The following FOXK1 variants were observed in gnomAD, a reference collection of about 807,000 sequenced individuals.
FOXK1 encodes the protein forkhead box K1, also known as forkhead box protein K1.
Under a neutral mutation model 51.9 loss-of-function variants are expected in FOXK1, and 19 were observed. The observed-to-expected ratio is 0.37, with a 90% confidence interval of 0.26 to 0.54. FOXK1 has a LOEUF of 0.54. Among genes scored for constraint, FOXK1 ranks in the 20% least tolerant of loss-of-function variants. The pLI, the probability that FOXK1 is intolerant of heterozygous loss-of-function variation, is 0.87. For missense variants in FOXK1, 870 were observed against 1,032.7 expected (o/e 0.84, Z 2.16); for synonymous variants, 537 against 482.6 (o/e 1.11, Z -1.48).
rs538871659 is a variant in FOXK1, at chr7:4,739,712, G to A, written c.561-1126G>A. 2.6e-5 allele frequency among the ~76,000 whole-genome samples: 4 copies of A among 152,322 alleles called. No individual in the cohort carries two copies. The South Asian group carries it at 8.3e-4, about 32-fold the overall frequency. Reference sequence around the variant, plus strand: ...ATTAAGCTCTGGGTGGATAATGCACGCTCTCTGCGACTCCCGCCTGCCGGA... The same window carrying A: ...ATTAAGCTCTGGGTGGATAATGCACACTCTCTGCGACTCCCGCCTGCCGGA... On this transcript the variant is annotated intron_variant, in intron 1 of 8. Coordinates refer to ENST00000328914, the MANE Select transcript of FOXK1 (RefSeq NM_001037165.2).
chr7:4,684,670 C>T lies in FOXK1; in HGVS notation c.560+1802C>T, dbSNP rs574490774. Among the ~76,000 whole-genome samples, 169 of 152,266 alleles carry T rather than the reference C, an allele frequency of 1.1e-3. 1 individual carries two copies. Among genetic ancestry groups the T allele is most frequent in the African/African-American group, 4.0e-3 (165 of 41,552 alleles). ...AAATGACAGGTAGGCTCCCCAGGCC[C>T]CCCTTAGAGGCCTGCTTTACAGACG... On this transcript the variant is annotated intron_variant, in intron 1 of 8. Transcript: ENST00000328914.
At chr7:4,696,521 G>A (rs1779954176) in intron 1 of FOXK1, among the ~76,000 whole-genome samples, 1 of 152,160 alleles carries the variant, frequency 6.6e-6, no homozygotes, top group Admixed American at 6.6e-5. Context: ...CTTTGAGCTC[G>A]TGGGACTTGC....
At chr7:4,720,807 C>A (rs1378170704) in intron 1 of FOXK1, among the ~76,000 whole-genome samples, 1 of 151,796 alleles carries the variant, frequency 6.6e-6, no homozygotes, top group Admixed American at 6.6e-5. Context: ...CAACCTCTAC[C>A]TCCTGGGTTC....
In FOXK1 at chr7:4,748,007, G is replaced by C. The variant is rs565307055; in HGVS notation, c.747-6452G>C. Among the ~76,000 whole-genome samples the C allele has an allele frequency of 1.9e-4, 29 of 152,250 alleles. No homozygotes were observed. The South Asian group carries it at 3.5e-3, about 19-fold the overall frequency. On this transcript the variant is annotated intron_variant, in intron 2 of 8. Coordinates refer to ENST00000328914, the MANE Select transcript of FOXK1 (RefSeq NM_001037165.2). The surrounding 1 kb of genome is among the most constrained non-coding windows in gnomAD (Gnocchi z 4.9). ...ATCCACTAGTTAATTTTTAAAAATA[G>C]CTTCCCAGCATTTTACAATGTCGGA...
chr7:4,745,006 A>G lies in FOXK1; in HGVS notation c.746+3983A>G, dbSNP rs887485191. Among the ~76,000 whole-genome samples the G allele has an allele frequency of 2.0e-5, 3 of 152,228 alleles. No homozygotes were observed. The highest frequency in any genetic ancestry group is 2.1e-4 in the South Asian group (1 of 4,836). ...AGAGGCCCTTGAGGTTTTCCCTGCCAAGATACTTTTCAGTTTGAGTTTCTG... is the reference window on the plus strand; with the variant it reads ...AGAGGCCCTTGAGGTTTTCCCTGCCGAGATACTTTTCAGTTTGAGTTTCTG... On this transcript the variant is annotated intron_variant, in intron 2 of 8. Transcript: ENST00000328914. This position sits in a 1 kb window ranked among gnomAD's most constrained non-coding sequence, Gnocchi z 4.3.
chr7:4,684,783 C>T (rs151163662), intron 1 of FOXK1, among the ~76,000 whole-genome samples: 18 of 152,312 alleles, frequency 1.2e-4, no homozygotes, highest in African/African-American at 4.3e-4. Context: ...CAGGTGCACT[C>T]CTGAGTCAGG....
At chr7:4,717,483 ATGTGGCTGGGAGGCG>A (rs1780251236) in intron 1 of FOXK1, among the ~76,000 whole-genome samples, 1 of 72,492 alleles carries the variant, frequency 1.4e-5, no homozygotes, top group Non-Finnish European at 2.8e-5. Flanking sequence ...GCTGGGAGGC[ATGTGGCTGGGAGGCG>A]TATGGCTGGG....
chr7:4,766,251 G>T lies in FOXK1; in HGVS notation c.*3787G>T, dbSNP rs1781009079. The T allele has an allele frequency of 6.6e-6, 1 of 152,218 alleles. No homozygotes were observed. Among genetic ancestry groups the T allele is most frequent in the Non-Finnish European group, 1.5e-5 (1 of 68,074 alleles). The allele number at this position is 152,218 out of a possible 1,614,324, so 9.4% of individuals were successfully genotyped here. A position where few individuals can be genotyped will look rare whatever the true frequency, so the allele number is the denominator to read the frequency against. Reference sequence around the variant, plus strand: ...AGTGTGGCCTCATGGTTCTGCCGCGGCCCAGTCTTCTCCCACTGGCTTCAC... The same window carrying T: ...AGTGTGGCCTCATGGTTCTGCCGCGTCCCAGTCTTCTCCCACTGGCTTCAC... On this transcript the variant is annotated 3_prime_UTR_variant, in exon 9 of 9. Transcript: ENST00000328914. This position sits in a 1 kb window ranked among gnomAD's most constrained non-coding sequence, Gnocchi z 5.5.
chr7:4,770,871 GTGT>G lies in FOXK1; in HGVS notation c.*8408_*8410del, dbSNP rs1781089669. ...GAGGGGCGGGTGTTGTTCGGTGTGT[GTGT>G]GTGTGTGTGTGTGTGTGTGTGTGTG... On this transcript the variant is annotated 3_prime_UTR_variant, in exon 9 of 9. Coordinates refer to ENST00000328914, the MANE Select transcript of FOXK1 (RefSeq NM_001037165.2). 1 of 141,274 alleles carries G rather than the reference GTGT, an allele frequency of 7.1e-6. No individual in the cohort carries two copies. The highest frequency in any genetic ancestry group is 1.5e-5 in the Non-Finnish European group (1 of 66,650). 8.8% of individuals were successfully genotyped at this position (141,274 alleles called of 1,614,324 possible).
chr7:4,717,339 G>A (rs1043285498), intron 1 of FOXK1, among the ~76,000 whole-genome samples: 6 of 147,618 alleles, frequency 4.1e-5, no homozygotes, highest in African/African-American at 1.5e-4. Flanking sequence ...CTGGGGAGGT[G>A]TGTGGCTGGG....
rs1780504600 is a variant in FOXK1 at position 4,733,148 on chromosome 7, G to A, written c.561-7690G>A. ...TGCAACAAAGGTCAAAAATAACGAG[G>A]GCCAAGTTTGTTTCTTTTATACGTG... On this transcript the variant is annotated intron_variant, in intron 1 of 8. Coordinates refer to ENST00000328914, the MANE Select transcript of FOXK1 (RefSeq NM_001037165.2). The surrounding 1 kb of genome is among the most constrained non-coding windows in gnomAD (Gnocchi z 5.0). 1.3e-5 allele frequency among the ~76,000 whole-genome samples: 2 copies of A among 151,886 alleles called. No homozygotes were observed. The highest frequency in any genetic ancestry group is 2.9e-5 in the Non-Finnish European group (2 of 67,954).
intron 1 of FOXK1, among the ~76,000 whole-genome samples, chr7:4,691,295 C>T (rs1028868997): frequency 3.3e-5 from 5 of 152,292 alleles, no homozygotes; most frequent in South Asian, 4.1e-4. Flanking sequence ...GCTTGCAAAG[C>T]GTAGCTTTTC....
At position 4,754,421 on chromosome 7, in the gene FOXK1, C is replaced by G; in HGVS notation, c.747-38C>G. On this transcript the variant is annotated intron_variant, in intron 2 of 8. Coordinates refer to ENST00000328914, the MANE Select transcript of FOXK1 (RefSeq NM_001037165.2). ...CTGAGCCCCACAGGGGCCCCCTCTT[C>G]AGAGCCATGAACTTACAGTGTCCTT... 3.1e-6 allele frequency: 5 copies of G among 1,601,538 alleles called. No homozygotes were observed. The South Asian group carries it at 4.4e-5, about 14-fold the overall frequency.
At position 4,743,822 on chromosome 7, in the gene FOXK1, C is replaced by T. The variant is rs368882609; in HGVS notation, c.746+2799C>T. Among the ~76,000 whole-genome samples, 30 of 152,166 alleles carry T rather than the reference C, an allele frequency of 2.0e-4. No homozygotes were observed. In the East Asian group the frequency reaches 3.9e-3, roughly 20 times the overall value. On this transcript the variant is annotated intron_variant, in intron 2 of 8. Coordinates refer to ENST00000328914, the MANE Select transcript of FOXK1 (RefSeq NM_001037165.2). This position sits in a 1 kb window ranked among gnomAD's most constrained non-coding sequence, Gnocchi z 5.3. ...TGAGGAAGGGCTAGGCCAGCGCCCC[C>T]GCCTTAGCCTGGGAGTGGGTTATTA...
In FOXK1 at chr7:4,731,888, C is replaced by T. The variant is rs903016537; in HGVS notation, c.561-8950C>T. Reference sequence around the variant, plus strand: ...AACTGAAGCACATTTTCAGTAACCGCTTGCTACGTGCCAGCCGTCCGGTCA... The same window carrying T: ...AACTGAAGCACATTTTCAGTAACCGTTTGCTACGTGCCAGCCGTCCGGTCA... On this transcript the variant is annotated intron_variant, in intron 1 of 8. Transcript: ENST00000328914. This position sits in a 1 kb window ranked among gnomAD's most constrained non-coding sequence, Gnocchi z 5.3. Among the ~76,000 whole-genome samples, 3 of 152,230 alleles carry T rather than the reference C, an allele frequency of 2.0e-5. No homozygotes were observed. Among genetic ancestry groups the T allele is most frequent in the African/African-American group, 7.2e-5 (3 of 41,462 alleles).
At chr7:4,741,045 C>G in intron 2 of FOXK1, 22 bp downstream of exon 2, 2 of 1,472,580 alleles carry the variant, frequency 1.4e-6, no homozygotes, top group Non-Finnish European at 9.0e-7. Flanking sequence ...CCCAGCCTGC[C>G]CTTGGGCCCC....
chr7:4,724,670 C>T (rs1404177140), intron 1 of FOXK1, among the ~76,000 whole-genome samples: 1 of 152,238 alleles, frequency 6.6e-6, no homozygotes, highest in African/African-American at 2.4e-5. Context: ...GCTCTGGGCT[C>T]AGCAGACAGC....
In FOXK1 at chr7:4,743,379, G is replaced by A. The variant is rs1434194221; in HGVS notation, c.746+2356G>A. Among the ~76,000 whole-genome samples the A allele has an allele frequency of 1.3e-5, 2 of 152,026 alleles. 1 individual carries two copies. Among genetic ancestry groups the A allele is most frequent in the South Asian group, 4.1e-4 (2 of 4,822 alleles). On this transcript the variant is annotated intron_variant, in intron 2 of 8. Transcript: ENST00000328914. The surrounding 1 kb of genome is among the most constrained non-coding windows in gnomAD (Gnocchi z 5.3). The stretch of plus-strand genomic sequence containing the variant: ...AGCCTGGGCAACATGGTGAAACCCC[G>A]TCTCTACTAAAAATACAAAAATCAG...
At chr7:4,719,248 A>G (rs1021014524) in intron 1 of FOXK1, among the ~76,000 whole-genome samples, 1 of 148,782 alleles carries the variant, frequency 6.7e-6, no homozygotes, top group Non-Finnish European at 1.5e-5. Flanking sequence ...GTTCCTCCTG[A>G]CTCAGCCTCC....
Sources: allele counts gnomAD v4.1 joint callset (sites outside exome capture counted in the v4.1 genomes callset), GRCh38; gene constraint gnomAD v4.1.1; non-coding constraint Gnocchi (gnomAD v3.1); transcripts MANE v1.5; gene names NCBI Gene and HGNC (gene_info 2026-07-23, HGNC 2026-07-21).